The following ANXA1 variants were observed in gnomAD, a reference collection of about 807,000 sequenced individuals.
ANXA1 encodes annexin A1.
ANXA1 carries 39 observed loss-of-function variants against 47.9 expected under a neutral mutation model. That is an observed-to-expected ratio of 0.81 (90% CI 0.63 to 1.06). The LOEUF (loss-of-function observed/expected upper bound fraction) is 1.06, where lower values mean the gene tolerates loss of function less well. Among genes scored for constraint, ANXA1 ranks in the 50% least tolerant of loss-of-function variants. The pLI is 0.00. For missense variants in ANXA1, 446 were observed against 422.7 expected, an observed-to-expected ratio of 1.06 and a Z score of -0.48; for synonymous variants, 146 against 142.5, an observed-to-expected ratio of 1.02 and a Z score of -0.17.
intron 1 of ANXA1, among the ~76,000 whole-genome samples, chr9:73,156,867 C>A (rs747263021): frequency 9.9e-5 from 15 of 151,714 alleles, no homozygotes; most frequent in Non-Finnish European, 2.1e-4. Flanking sequence ...AGACCTTGAG[C>A]AAGGCCTCTG....
chr9:73,158,853 A>C (rs779515245), intron 3 of ANXA1, 50 bp downstream of exon 3: 24 of 1,410,404 alleles, frequency 1.7e-5, no homozygotes, highest in Admixed American at 5.3e-5. Flanking sequence ...CAGAATGGCT[A>C]TTTGAATGAC....
chr9:73,160,249 CT>C lies in ANXA1; in HGVS notation c.271-5del, dbSNP rs542717096. On this transcript the variant is annotated splice_polypyrimidine_tract_variant and intron_variant, in intron 4 of 12. Coordinates refer to ENST00000257497, the MANE Select transcript of ANXA1 (RefSeq NM_000700.3). ...ACTTATTGGAAGTCCTGATTCTAATCTTTTTTTTTGTAGCCCCTGGATGAAA... is the reference window on the plus strand; with the variant it reads ...ACTTATTGGAAGTCCTGATTCTAATCTTTTTTTTGTAGCCCCTGGATGAAA... 5.0e-4 allele frequency: 745 copies of C among 1,492,292 alleles called. No homozygotes were observed. Among genetic ancestry groups the C allele is most frequent in the Admixed American group, 1.3e-3 (53 of 42,120 alleles). 92.4% of individuals were successfully genotyped at this position (1,492,292 alleles called of 1,614,324 possible).
At chr9:73,157,950 C>G (rs1459915859) in intron 1 of ANXA1, 1 of 152,292 alleles carries the variant, frequency 6.6e-6, no homozygotes, top group Non-Finnish European at 1.5e-5. Context: ...CAACATTTCT[C>G]GCTCCAGCAA....
chr9:73,165,149 A>G lies in ANXA1; in HGVS notation c.646A>G (p.Thr216Ala). ...TGAAGCAGGAGAAAGGAGAAAGGGG[A>G]CAGACGTAAACGTGTTCAATACCAT... ...LYEAGERRKG[T>A]DVNVFNTILT... Residue 216 changes from threonine to alanine, a missense_variant, in exon 9 of 13, where the codon ACA (threonine) becomes GCA (alanine). Thr to Ala is a moderately conservative substitution (Grantham distance 58, BLOSUM62 0). Transcript: ENST00000257497. The G allele has an allele frequency of 6.2e-7, 1 of 1,612,786 alleles. No individual in the cohort carries two copies. The highest frequency in any genetic ancestry group is 8.5e-7 in the Non-Finnish European group (1 of 1,179,088).
intron 6 of ANXA1, among the ~76,000 whole-genome samples, chr9:73,161,491 G>A (rs957631033): frequency 6.6e-6 from 1 of 152,016 alleles, no homozygotes; most frequent in African/African-American, 2.4e-5. Context: ...TAAATGATGT[G>A]CTCAACACTG....
chr9:73,169,002 G>A, intron 11 of ANXA1, 30 bp from the exon 12 acceptor site: 1 of 1,582,622 alleles, frequency 6.3e-7, no homozygotes, highest in Non-Finnish European at 8.6e-7. Flanking sequence ...TTCTGAATAT[G>A]AGACACTTAC....
chr9:73,160,438 T>C (rs1824119668), intron 5 of ANXA1, 62 bp downstream of exon 5: 2 of 1,189,552 alleles, frequency 1.7e-6, no homozygotes, highest in Non-Finnish European at 2.3e-6. Flanking sequence ...AAGTCACTTA[T>C]GCTTATGTTA....
chr9:73,158,935 C>A, intron 3 of ANXA1, 132 bp downstream of exon 3: 2 of 766,358 alleles, frequency 2.6e-6, no homozygotes, highest in Non-Finnish European at 4.2e-6. Flanking sequence ...CTTTGCCAAA[C>A]GAAGATGTAA....
At chr9:73,168,298 C>G (rs1471358884) in intron 11 of ANXA1, 2 of 152,148 alleles carry the variant, frequency 1.3e-5, no homozygotes, top group African/African-American at 4.8e-5. Context: ...AGTTGCTGCC[C>G]CCTTTCTGCC....
In ANXA1 at chr9:73,162,815, C is replaced by T; in HGVS notation, c.509C>T (p.Ser170Leu). 1 of 1,613,250 alleles carries T rather than the reference C, an allele frequency of 6.2e-7. No homozygotes were observed. Residue 170 changes from serine to leucine, a missense_variant, in exon 7 of 13, where the codon TCA becomes TTA. Physicochemically the swap from Ser to Leu is moderately radical, Grantham distance 145 (BLOSUM62 -2). Coordinates refer to ENST00000257497, the MANE Select transcript of ANXA1 (RefSeq NM_000700.3). ...AGAGATCTGGCCAAAGACATAACCT[C>T]AGACACATCTGGAGATTTTCGGAAC... is the stretch of plus-strand genomic sequence containing the variant. Reference protein sequence around the residue: ...LKRDLAKDITSDTSGDFRNAL... With the variant: ...LKRDLAKDITLDTSGDFRNAL...
intron 1 of ANXA1, among the ~76,000 whole-genome samples, chr9:73,154,730 T>C (rs566240737): frequency 4.6e-5 from 7 of 152,174 alleles, no homozygotes; most frequent in Non-Finnish European, 8.8e-5. Flanking sequence ...TGAGCCACCA[T>C]GCACAGCCAA....
At position 73,169,052 on chromosome 9, in the gene ANXA1, G is replaced by C. The variant is rs771649725; in HGVS notation, c.882G>C (p.Lys294Asn). 2.5e-6 allele frequency: 4 copies of C among 1,612,124 alleles called. No homozygotes were observed. The South Asian group carries it at 4.4e-5, about 18-fold the overall frequency. ...QAMKGVGTRH[K>N]ALIRIMVSRS... ...GCCAGGGTGTTGGAACTCGCCATAAGGCATTGATCAGGATTATGGTTTCCC... is the reference window on the plus strand; with the variant it reads ...GCCAGGGTGTTGGAACTCGCCATAACGCATTGATCAGGATTATGGTTTCCC... The change falls in exon 12 of 13, where the codon AAG becomes AAC. Residue 294 changes from lysine (K) to asparagine (N), a missense_variant. Transcript: ENST00000257497.
chr9:73,157,424 C>T (rs530829294), intron 1 of ANXA1, among the ~76,000 whole-genome samples: 5 of 151,938 alleles, frequency 3.3e-5, no homozygotes, highest in South Asian at 2.1e-4. Context: ...GAGGCCGAGG[C>T]GGGCAGATCA....
intron 12 of ANXA1, 114 bp from the exon 13 acceptor site, chr9:73,169,937 G>A (rs1388794925): frequency 1.7e-6 from 1 of 600,150 alleles, no homozygotes; most frequent in South Asian, 3.6e-5. Flanking sequence ...TAAGTGAATG[G>A]TAATGTGTAA....
In ANXA1 at chr9:73,162,809, T is replaced by G; in HGVS notation, c.503T>G (p.Ile168Arg). Residue 168 changes from isoleucine (I) to arginine (R), a missense_variant, in exon 7 of 13, where the codon ATA (isoleucine) becomes AGA (arginine). Coordinates refer to ENST00000257497, the MANE Select transcript of ANXA1 (RefSeq NM_000700.3). ...EELKRDLAKD[I>R]TSDTSGDFRN... ...CTGAAGAGAGATCTGGCCAAAGACA[T>G]AACCTCAGACACATCTGGAGATTTT... The G allele has an allele frequency of 1.2e-6, 2 of 1,613,256 alleles. No homozygotes were observed. The highest frequency in any genetic ancestry group is 1.7e-6 in the Non-Finnish European group (2 of 1,179,504).
chr9:73,170,043 A>C lies in ANXA1; in HGVS notation c.985-8A>C, dbSNP rs755644768. 7.5e-6 allele frequency: 12 copies of C among 1,594,264 alleles called. No homozygotes were observed. Among genetic ancestry groups the C allele is most frequent in the Admixed American group, 5.3e-5 (3 of 56,138 alleles). The stretch of plus-strand genomic sequence containing the variant: ...TAACATTAAGTATACCTTTTTTTGA[A>C]TCAACAGGATGAAACCAAAGGAGAT... On this transcript the variant is annotated splice_polypyrimidine_tract_variant and splice_region_variant and intron_variant, in intron 12 of 12. Coordinates refer to ENST00000257497, the MANE Select transcript of ANXA1 (RefSeq NM_000700.3).
intron 1 of ANXA1, among the ~76,000 whole-genome samples, chr9:73,154,966 CAGCTTCCTCTGTCACAAATTCTAG>C (rs1300496362): frequency 1.3e-5 from 2 of 152,168 alleles, no homozygotes; most frequent in African/African-American, 4.8e-5. Flanking sequence ...CCACAAAACT[CAGCTTCCTCTGTCACAAATTCTAG>C]ATAGAGGTAG....
chr9:73,164,917 C>A (rs1824201638), intron 8 of ANXA1, among the ~76,000 whole-genome samples, 199 bp from the exon 9 acceptor site: 1 of 152,082 alleles, frequency 6.6e-6, no homozygotes, highest in Non-Finnish European at 1.5e-5. Flanking sequence ...TTACAAGGCA[C>A]CTTGAGAGAA....
chr9:73,166,162 G>C lies in ANXA1; in HGVS notation c.772G>C (p.Gly258Arg), dbSNP rs1824225953. 8.1e-6 allele frequency: 13 copies of C among 1,612,288 alleles called. No homozygotes were observed. The highest frequency in any genetic ancestry group is 1.1e-5 in the South Asian group (1 of 90,966). The change falls in exon 10 of 13, where the codon GGT becomes CGT. Residue 258 changes from glycine (G) to arginine (R), a missense_variant. Physicochemically the swap from Gly to Arg is moderately radical, Grantham distance 125. Transcript: ENST00000257497. ...MNKVLDLELKGDIEKCLTAIV... is the reference protein window; with the variant it reads ...MNKVLDLELKRDIEKCLTAIV... ...CAAAGTTCTGGACCTGGAGTTGAAA[G>C]GTGACATTGAGAAATGCCTCACAGC...
Sources: gnomAD v4.1 joint callset for allele counts (sites outside exome capture counted in the v4.1 genomes callset) on GRCh38, gnomAD v4.1.1 for gene constraint, MANE v1.5 for transcripts, NCBI Gene and HGNC (gene_info 2026-07-23, HGNC 2026-07-21) for gene names.